ZNF875: variants seen among roughly 807,000 people sequenced by gnomAD.
The protein encoded by ZNF875 is zinc finger protein 875.
Under a neutral mutation model 11.2 loss-of-function variants are expected in ZNF875, and 14 were observed. The ratio of observed to expected loss-of-function variants is 1.26; its 90% CI spans 0.83 to 1.96. ZNF875 has a LOEUF of 1.96. Among genes scored for constraint, ZNF875 ranks in the 30% most tolerant of loss-of-function variants. The pLI, the probability that ZNF875 is intolerant of heterozygous loss-of-function variation, is 0.00. For missense variants in ZNF875, 752 were observed against 760.4 expected (o/e 0.99, Z 0.13); for synonymous variants, 301 against 281.1 (o/e 1.07, Z -0.71).
upstream of ZNF875, among the ~76,000 whole-genome samples, chr19:37,333,964 G>A (rs1413049226): frequency 6.6e-6 from 1 of 151,864 alleles, no homozygotes; most frequent in African/African-American, 2.4e-5. Flanking sequence ...CTGTACCCCA[G>A]CCTCCAATAA....
chr19:37,363,058 C>A lies in ZNF875; in HGVS notation c.1206C>A (p.Gly402=). The change falls in exon 5 of 5, where the codon GGC becomes GGA. Residue 402 remains glycine (G), a synonymous_variant. Coordinates refer to ENST00000392153, the MANE Select transcript of ZNF875 (RefSeq NM_001353803.2). ...ACATTTGCAGGGAGTGTGAGCAAGG[C>A]TTTAGCCAGAAGTCACACCTCATCA... ...KPYICRECEQ[G]FSQKSHLIRH... The A allele has an allele frequency of 6.2e-7, 1 of 1,614,060 alleles. No homozygotes were observed. Among genetic ancestry groups the A allele is most frequent in the South Asian group, 1.1e-5 (1 of 91,056 alleles).
chr19:37,330,538 A>G (rs1415007519), upstream of ZNF875, among the ~76,000 whole-genome samples: 1 of 151,962 alleles, frequency 6.6e-6, no homozygotes, highest in African/African-American at 2.4e-5. Context: ...TCTCAGCCCC[A>G]TCTGATTATT....
At chr19:37,322,252 A>G (rs1461460337) in intron 2 of ZNF875, 2 of 152,198 alleles carry the variant, frequency 1.3e-5, no homozygotes, top group South Asian at 4.1e-4. Flanking sequence ...CTTGTGAACC[A>G]TATTTTGGAC....
At chr19:37,333,220 C>G (rs2145862420), upstream of ZNF875, among the ~76,000 whole-genome samples, 1 of 152,188 alleles carries the variant, frequency 6.6e-6, no homozygotes, top group Middle Eastern at 3.4e-3. Flanking sequence ...ATCTCAGGAT[C>G]CCACATCCTC....
chr19:37,318,550 C>T (rs1303368926), intron 1 of ZNF875, among the ~76,000 whole-genome samples: 9 of 148,078 alleles, frequency 6.1e-5, no homozygotes, highest in African/African-American at 2.3e-4. Context: ...GAGACAGAGT[C>T]TCGCTCTGTC....
intron 1 of ZNF875, among the ~76,000 whole-genome samples, chr19:37,319,369 A>ATATATATATATATATATATATATATAT (rs56256521): frequency 3.1e-4 from 44 of 139,912 alleles, no homozygotes; most frequent in African/African-American, 6.0e-4. Context: ...ATATATATAT[A>ATATATATATATATATATATATATATAT]ATAAAAATGG....
intron 4 of ZNF875, among the ~76,000 whole-genome samples, chr19:37,351,736 T>A (rs988815383): frequency 2.6e-5 from 4 of 152,226 alleles, no homozygotes; most frequent in Non-Finnish European, 5.9e-5. Flanking sequence ...TGTTTTATTT[T>A]TATTGGTTTT....
chr19:37,336,297 A>AT (rs34434733), intron 2 of ZNF875, among the ~76,000 whole-genome samples: 26,619 of 124,386 alleles, frequency 0.21, 3,405 homozygotes, highest in Middle Eastern at 0.28. Flanking sequence ...TTAAGATTGA[A>AT]TTTTTTTTTT....
At chr19:37,359,570 AT>A in intron 4 of ZNF875, 1 of 223,832 alleles carries the variant, frequency 4.5e-6, no homozygotes, top group Non-Finnish European at 9.3e-6. Flanking sequence ...CACCTGGCTA[AT>A]TTTTTGTATT....
chr19:37,363,462 G>A lies in ZNF875; in HGVS notation c.1610G>A (p.Arg537Lys), dbSNP rs751142690. Residue 537 changes from arginine to lysine, a missense_variant, in exon 5 of 5, where the codon AGG becomes AAG. Coordinates refer to ENST00000392153, the MANE Select transcript of ZNF875 (RefSeq NM_001353803.2). ...THSGEKPFMC[R>K]ECGRRFRQKP... Reference sequence around the variant, plus strand: ...TCAGGGGAAAAGCCTTTTATGTGCAGGGAGTGTGGCAGAAGGTTTCGGCAG... The same window carrying A: ...TCAGGGGAAAAGCCTTTTATGTGCAAGGAGTGTGGCAGAAGGTTTCGGCAG... 5.6e-6 allele frequency: 9 copies of A among 1,614,046 alleles called. No individual in the cohort carries two copies. The South Asian group carries it at 9.9e-5, about 18-fold the overall frequency.
chr19:37,346,047 T>C (rs899780397), intron 2 of ZNF875, among the ~76,000 whole-genome samples: 5 of 152,208 alleles, frequency 3.3e-5, no homozygotes, highest in Non-Finnish European at 4.4e-5. Context: ...GCAATCACAG[T>C]GATCCAGCCA....
intron 2 of ZNF875, among the ~76,000 whole-genome samples, chr19:37,339,389 A>G (rs938743726): frequency 8.6e-5 from 13 of 151,988 alleles, no homozygotes; most frequent in South Asian, 2.1e-4. Flanking sequence ...CCTGTTTCCA[A>G]TGTTTAACTG....
intron 4 of ZNF875, chr19:37,359,414 T>C (rs1281010053): frequency 8.3e-6 from 2 of 241,162 alleles, no homozygotes; most frequent in South Asian, 3.7e-5. Flanking sequence ...CTTTTCTTTT[T>C]TTTTTTTTTA....
intron 1 of ZNF875, among the ~76,000 whole-genome samples, chr19:37,320,226 G>A (rs2031137151): frequency 6.6e-6 from 1 of 152,182 alleles, no homozygotes; most frequent in African/African-American, 2.4e-5. Context: ...TAGGGCCCAT[G>A]AGAAGGGCCC....
In ZNF875 at chr19:37,347,297, T is replaced by A. The variant is rs141089018; in HGVS notation, c.141T>A (p.Tyr47Ter). Residue 47 changes from tyrosine (Y) to a stop codon, truncating the protein, a stop_gained, in exon 3 of 5, where the codon TAT (tyrosine) becomes TAA (stop). Transcript: ENST00000392153. LOFTEE classifies it high-confidence loss of function. ...TLHREVMLET[Y>*]NHLVSLEIPS... Reference sequence around the variant, plus strand: ...ACAGGGAGGTGATGCTGGAGACTTATAACCATCTGGTCTCACTGGGTAAGA... The same window carrying A: ...ACAGGGAGGTGATGCTGGAGACTTAAAACCATCTGGTCTCACTGGGTAAGA... 3.7e-6 allele frequency: 6 copies of A among 1,613,896 alleles called. No individual in the cohort carries two copies. Among genetic ancestry groups the A allele is most frequent in the South Asian group, 3.3e-5 (3 of 91,068 alleles).
At chr19:37,318,588 C>G (rs1481635077) in intron 1 of ZNF875, among the ~76,000 whole-genome samples, 1 of 149,594 alleles carries the variant, frequency 6.7e-6, no homozygotes, top group Non-Finnish European at 1.5e-5. Context: ...GTGGCGTGAT[C>G]TCGAGTCACT....
chr19:37,329,798 C>A (rs975124440), upstream of ZNF875, among the ~76,000 whole-genome samples: 5 of 152,208 alleles, frequency 3.3e-5, no homozygotes, highest in Non-Finnish European at 7.3e-5. Context: ...AGGTCTCAGG[C>A]CTTCTGGGAG....
chr19:37,363,663 T>A lies in ZNF875; in HGVS notation c.1811T>A (p.Ile604Asn). 1 of 1,613,514 alleles carries A rather than the reference T, an allele frequency of 6.2e-7. No individual in the cohort carries two copies. Among genetic ancestry groups the A allele is most frequent in the Non-Finnish European group, 8.5e-7 (1 of 1,179,656 alleles). ...GQGFSRQSHLIRHQRTHSGEK... is the reference protein window; with the variant it reads ...GQGFSRQSHLNRHQRTHSGEK... ...GGCTTTAGCCGGCAGTCACACCTCA[T>A]TAGACACCAGAGGACACATTCAGGA... is the stretch of plus-strand genomic sequence containing the variant. The change falls in exon 5 of 5, where the codon ATT becomes AAT. Residue 604 changes from isoleucine to asparagine, a missense_variant. Physicochemically the swap from Ile to Asn is moderately radical, Grantham distance 149 (BLOSUM62 -3). Coordinates refer to ENST00000392153, the MANE Select transcript of ZNF875 (RefSeq NM_001353803.2).
rs2040249274 is a variant in ZNF875, at chr19:37,363,125, A to G, written c.1273A>G (p.Thr425Ala). ...CACAGGAGAGAAGCCTTATGTATGC[A>G]CAGAATGTGGGCGTCACTTTAGCTG... Reference protein sequence around the residue: ...THTGEKPYVCTECGRHFSWKS... With the variant: ...THTGEKPYVCAECGRHFSWKS... The change falls in exon 5 of 5, where the codon ACA (threonine) becomes GCA (alanine). Residue 425 changes from threonine (T) to alanine (A), a missense_variant. Coordinates refer to ENST00000392153, the MANE Select transcript of ZNF875 (RefSeq NM_001353803.2). 2 of 1,613,838 alleles carry G rather than the reference A, an allele frequency of 1.2e-6. No homozygotes were observed. Among genetic ancestry groups the G allele is most frequent in the Non-Finnish European group, 1.7e-6 (2 of 1,179,990 alleles).
Sources: gnomAD v4.1 joint callset for allele counts (sites outside exome capture counted in the v4.1 genomes callset) on GRCh38, gnomAD v4.1.1 for gene constraint, MANE v1.5 for transcripts, NCBI Gene and HGNC (gene_info 2026-07-23, HGNC 2026-07-21) for gene names.